The following ZEB2 variants were observed in gnomAD, a reference collection of about 807,000 sequenced individuals.
ZEB2 encodes the protein zinc finger E-box-binding homeobox 2.
ZEB2 carries 6 observed loss-of-function variants against 99.9 expected under a neutral mutation model. The observed-to-expected ratio is 0.06, with a 90% CI of 0.03 to 0.12. ZEB2 has a LOEUF of 0.12. Ranked by LOEUF, ZEB2 falls within the 10% of genes least tolerant of loss-of-function variation. ZEB2 has a pLI of 1.00. For synonymous variants in ZEB2, 517 were observed against 542.5 expected (o/e 0.95, Z 0.65); for missense variants, 969 against 1,502.8 (o/e 0.64, Z 5.87).
At chr2:144,512,360 A>G (rs1705054869) in intron 2 of ZEB2, 3 of 1,287,258 alleles carry the variant, frequency 2.3e-6, no homozygotes, top group Non-Finnish European at 3.0e-6. Context: ...CTTAGAATAA[A>G]CGCGGCACTG....
chr2:144,513,875 G>A (rs919831083), intron 2 of ZEB2: 5 of 1,528,678 alleles, frequency 3.3e-6, no homozygotes, highest in African/African-American at 1.4e-5. Flanking sequence ...CAGCGTCAGT[G>A]AAAGTGTTAC....
At chr2:144,508,705 C>G (rs868788214) in intron 2 of ZEB2, among the ~76,000 whole-genome samples, 1 of 151,856 alleles carries the variant, frequency 6.6e-6, no homozygotes. Context: ...CAGGTTTGGA[C>G]AGATAGGCAG....
In ZEB2 at chr2:144,400,137, C is replaced by A. The variant is rs532720008; in HGVS notation, c.1050G>T (p.Thr350=). The A allele has an allele frequency of 1.2e-6, 2 of 1,613,872 alleles. No individual in the cohort carries two copies. The highest frequency in any genetic ancestry group is 1.7e-5 in the Admixed American group (1 of 60,006). Residue 350 remains threonine, a synonymous_variant, in exon 8 of 10, where the codon ACG becomes ACT. Transcript: ENST00000627532. ...AAGAAACAGAATTAGGGGAAGAACCCGTCTTGATATTGTTTCTCATTCGGC... is the reference window on the plus strand; with the variant it reads ...AAGAAACAGAATTAGGGGAAGAACCAGTCTTGATATTGTTTCTCATTCGGC... The part of the protein sequence containing the change: ...VNGRMRNNIK[T]GSSPNSVSSS...
rs573793058 is a variant in ZEB2, at chr2:144,465,739, T to C, written c.74-35713A>G. On this transcript the variant is annotated intron_variant, in intron 2 of 9. Coordinates refer to ENST00000627532, the MANE Select transcript of ZEB2 (RefSeq NM_014795.4). ...ATGGCAGCTTACTACACAACTTGCATGCATTCTAAAATAAAGGAAATATGA... is the reference window on the plus strand; with the variant it reads ...ATGGCAGCTTACTACACAACTTGCACGCATTCTAAAATAAAGGAAATATGA... Among the ~76,000 whole-genome samples the C allele has an allele frequency of 2.0e-5, 3 of 152,276 alleles. No homozygotes were observed. The East Asian group carries it at 5.8e-4, about 29-fold the overall frequency.
At chr2:144,513,587 T>C (rs1288678841) in intron 2 of ZEB2, 18 of 1,528,936 alleles carry the variant, frequency 1.2e-5, no homozygotes, top group Non-Finnish European at 1.6e-5. Context: ...TGTGAGATTT[T>C]TCAGAGGCTG....
chr2:144,457,275 A>G (rs1373921686), intron 2 of ZEB2, among the ~76,000 whole-genome samples: 1 of 152,126 alleles, frequency 6.6e-6, no homozygotes, highest in East Asian at 1.9e-4. Context: ...AATTATTATG[A>G]GGATGATTTT....
At position 144,429,905 on chromosome 2, in the gene ZEB2, C is replaced by T; in HGVS notation, c.195G>A (p.Val65=). 6.2e-7 allele frequency: 1 copy of T among 1,613,794 alleles called. No individual in the cohort carries two copies. The highest frequency in any genetic ancestry group is 8.5e-7 in the Non-Finnish European group (1 of 1,179,870). ...CGTGTGGGGAGGACTCATGGTTGGG[C>T]ACACTAGCTGGACTCGTCTCCTGGT... The part of the protein sequence containing the change: ...PLDQETSPAS[V]PNHESSPHVS... The change falls in exon 3 of 10, where the codon GTG becomes GTA. Residue 65 remains valine, a synonymous_variant. Coordinates refer to ENST00000627532, the MANE Select transcript of ZEB2 (RefSeq NM_014795.4).
At position 144,398,761 on chromosome 2, in the gene ZEB2, T is replaced by A. The variant is rs749005116; in HGVS notation, c.2426A>T (p.Glu809Val). 6.2e-7 allele frequency: 1 copy of A among 1,614,144 alleles called. No homozygotes were observed. Among genetic ancestry groups the A allele is most frequent in the Non-Finnish European group, 8.5e-7 (1 of 1,180,022 alleles). Residue 809 changes from glutamate to valine, a missense_variant, in exon 8 of 10, where the codon GAG becomes GTG. Transcript: ENST00000627532. ...GTCTAAAGGCTCAGCCTGGAGCTCC[T>A]CAGAAGAGAAGCTGTTTGGAGTGTA... ...SSYTPNSFSS[E>V]ELQAEPLDLS...
At chr2:144,461,415 AG>A (rs1356849097) in intron 2 of ZEB2, 1 of 152,324 alleles carries the variant, frequency 6.6e-6, no homozygotes, top group Non-Finnish European at 1.5e-5. Context: ...CCACCACCGG[AG>A]GGACAGCGAG....
chr2:144,459,955 T>G lies in ZEB2; in HGVS notation c.74-29929A>C, dbSNP rs532554390. ...TGTGCATCATAGGCATGCAACATAC[T>G]GGGTCCCGTAAGGAGAGATCCTGAA... On this transcript the variant is annotated intron_variant, in intron 2 of 9. Transcript: ENST00000627532. Among the ~76,000 whole-genome samples, 9 of 152,282 alleles carry G rather than the reference T, an allele frequency of 5.9e-5. No homozygotes were observed. The East Asian group carries it at 1.7e-3, about 29-fold the overall frequency.
chr2:144,403,471 A>C (rs1349218113), intron 6 of ZEB2, among the ~76,000 whole-genome samples: 1 of 152,176 alleles, frequency 6.6e-6, no homozygotes, highest in African/African-American at 2.4e-5. Flanking sequence ...AAATACTCTA[A>C]GTAATTGAAG....
intron 3 of ZEB2, chr2:144,426,728 A>C (rs1703694837): frequency 6.6e-6 from 1 of 152,190 alleles, no homozygotes; most frequent in Non-Finnish European, 1.5e-5. Context: ...TGCAACTGAG[A>C]TCTTTCAGAG....
intron 4 of ZEB2, among the ~76,000 whole-genome samples, chr2:144,405,747 T>C (rs886398717): frequency 6.6e-5 from 10 of 152,210 alleles, no homozygotes; most frequent in Admixed American, 5.9e-4. Flanking sequence ...CAGAGGGAGT[T>C]AAGAAACTGG....
chr2:144,480,035 C>G (rs1704487903), intron 2 of ZEB2, among the ~76,000 whole-genome samples: 1 of 152,132 alleles, frequency 6.6e-6, no homozygotes, highest in Non-Finnish European at 1.5e-5. Context: ...CATATCATGT[C>G]AGTCCAGTCT....
chr2:144,463,619 A>G (rs778847920), intron 2 of ZEB2: 1 of 152,212 alleles, frequency 6.6e-6, no homozygotes, highest in Non-Finnish European at 1.5e-5. Context: ...ACTTGAGCCC[A>G]GGAATTCAAG....
chr2:144,513,061 G>C (rs140907404), intron 2 of ZEB2: 4 of 1,287,156 alleles, frequency 3.1e-6, no homozygotes, highest in Non-Finnish European at 4.0e-6. Context: ...TATGACTCTC[G>C]TTGCCCCATC....
At chr2:144,451,541 T>C (rs912272002) in intron 2 of ZEB2, among the ~76,000 whole-genome samples, 1 of 152,178 alleles carries the variant, frequency 6.6e-6, no homozygotes, top group South Asian at 2.1e-4. Flanking sequence ...AACTTGGAAA[T>C]TTTGGTTTTT....
chr2:144,458,620 A>G (rs1279831724), intron 2 of ZEB2, among the ~76,000 whole-genome samples: 1 of 152,198 alleles, frequency 6.6e-6, no homozygotes, highest in Non-Finnish European at 1.5e-5. Context: ...GAATGAAAAA[A>G]AAATCTTGCC....
intron 2 of ZEB2, chr2:144,515,926 T>C (rs2149933705): frequency 6.6e-6 from 1 of 152,056 alleles, no homozygotes; most frequent in Middle Eastern, 3.5e-3. Flanking sequence ...CGCGCAGCTC[T>C]GGGGCAGGCC....
Sources: gnomAD v4.1 joint callset for allele counts (sites outside exome capture counted in the v4.1 genomes callset) on GRCh38, gnomAD v4.1.1 for gene constraint, MANE v1.5 for transcripts, NCBI Gene and HGNC (gene_info 2026-07-23, HGNC 2026-07-21) for gene names.